Variants in NEGR1 observed in about 807,000 individuals in gnomAD.
NEGR1 encodes IgLON family member 4.
NEGR1 carries 10 observed loss-of-function variants against 40.9 expected under a neutral mutation model. That is an observed-to-expected ratio of 0.24 (90% confidence interval 0.15 to 0.42). The LOEUF is 0.42. Ranked by LOEUF, NEGR1 falls within the 10% of genes least tolerant of loss-of-function variation. The probability of loss-of-function intolerance (pLI) is 1.00; values close to 1 mark genes in which losing one functional copy is unlikely to be tolerated. For missense variants in NEGR1, 352 were observed against 438.9 expected (o/e 0.80, Z 1.77); for synonymous variants, 185 against 166.8 (o/e 1.11, Z -0.84).
At chr1:72,061,591 C>A (rs1466845905) in intron 1 of NEGR1, among the ~76,000 whole-genome samples, 3 of 151,628 alleles carry the variant, frequency 2.0e-5, no homozygotes, top group Non-Finnish European at 4.4e-5. Flanking sequence ...TGAATGAAGA[C>A]CACGTAAATG....
rs148594664 is a variant in NEGR1, at chr1:71,962,796, C to A, written c.177-27485G>T. The stretch of plus-strand genomic sequence containing the variant: ...TTTTTTTTTTTTTCTGTAAGTATAT[C>A]TTTTGTTCTTCATCTCAACTGAAAA... On this transcript the variant is annotated intron_variant, in intron 1 of 6. Coordinates refer to ENST00000357731, the MANE Select transcript of NEGR1 (RefSeq NM_173808.3). Among the ~76,000 whole-genome samples, 297 of 147,710 alleles carry A rather than the reference C, an allele frequency of 2.0e-3. 2 individuals are homozygous for A. The highest frequency in any genetic ancestry group is 7.0e-3 in the African/African-American group (282 of 40,438).
intron 1 of NEGR1, among the ~76,000 whole-genome samples, chr1:71,963,269 C>A (rs1052736441): frequency 6.6e-6 from 1 of 151,918 alleles, no homozygotes; most frequent in African/African-American, 2.4e-5. Flanking sequence ...AAGAGAAGAC[C>A]TAGTTGATCC....
chr1:71,711,936 G>T (rs1007234270), intron 3 of NEGR1, among the ~76,000 whole-genome samples: 1 of 152,130 alleles, frequency 6.6e-6, no homozygotes, highest in Admixed American at 6.5e-5. Flanking sequence ...GCTATATATT[G>T]TATGATTTAA....
chr1:71,519,627 C>A, intron 6 of NEGR1, among the ~76,000 whole-genome samples: 1 of 121,680 alleles, frequency 8.2e-6, no homozygotes. Flanking sequence ...ATACCTAATG[C>A]TAGATGACAC....
At chr1:71,839,856 T>C (rs534145521) in intron 2 of NEGR1, among the ~76,000 whole-genome samples, 4 of 152,264 alleles carry the variant, frequency 2.6e-5, no homozygotes, top group Non-Finnish European at 4.4e-5. Context: ...AGCTTTCACA[T>C]TGTCATTCTT....
intron 1 of NEGR1, among the ~76,000 whole-genome samples, chr1:71,965,178 A>G (rs1040625453): frequency 1.3e-5 from 2 of 152,148 alleles, no homozygotes; most frequent in Non-Finnish European, 2.9e-5. Flanking sequence ...ACAATTTCTC[A>G]TATGAAGACT....
intron 2 of NEGR1, among the ~76,000 whole-genome samples, chr1:71,869,929 G>C (rs1223318020): frequency 1.3e-5 from 2 of 150,418 alleles, no homozygotes; most frequent in Non-Finnish European, 3.0e-5. Flanking sequence ...ACCCAGGCTG[G>C]AGTGCAGTGG....
At chr1:71,544,072 T>C (rs1168810006) in intron 6 of NEGR1, among the ~76,000 whole-genome samples, 1 of 151,730 alleles carries the variant, frequency 6.6e-6, no homozygotes, top group Non-Finnish European at 1.5e-5. Flanking sequence ...AGATACTGCC[T>C]TGTGAAATGC....
intron 1 of NEGR1, among the ~76,000 whole-genome samples, chr1:71,935,856 T>C (rs1645900561): frequency 6.6e-6 from 1 of 152,068 alleles, no homozygotes; most frequent in East Asian, 1.9e-4. Flanking sequence ...TGGAATGCGG[T>C]GGAAAAATCT....
chr1:72,069,262 C>A (rs1033352703), intron 1 of NEGR1, among the ~76,000 whole-genome samples: 4 of 151,548 alleles, frequency 2.6e-5, no homozygotes, highest in South Asian at 2.1e-4. Flanking sequence ...ATACAAAAAA[C>A]AAAAACAAAC....
chr1:72,137,446 G>T (rs1650510799), intron 1 of NEGR1, among the ~76,000 whole-genome samples: 1 of 152,038 alleles, frequency 6.6e-6, no homozygotes, highest in Non-Finnish European at 1.5e-5. Flanking sequence ...TCCTCTGCAG[G>T]GACATGAATG....
At chr1:71,930,522 T>G (rs1645845481) in intron 2 of NEGR1, among the ~76,000 whole-genome samples, 1 of 152,180 alleles carries the variant, frequency 6.6e-6, no homozygotes. Flanking sequence ...TTGTTCTTCC[T>G]ATCTATCTTG....
intron 1 of NEGR1, among the ~76,000 whole-genome samples, chr1:72,236,079 T>C (rs1275405443): frequency 1.3e-4 from 20 of 152,030 alleles, no homozygotes; most frequent in Admixed American, 1.3e-3. Flanking sequence ...GTGGCACATA[T>C]ACACCATGGA....
chr1:71,698,683 T>C (rs2101629514), intron 3 of NEGR1, among the ~76,000 whole-genome samples: 1 of 152,074 alleles, frequency 6.6e-6, no homozygotes, highest in African/African-American at 2.4e-5. Context: ...AGGTACAGTG[T>C]ACATGCTATA....
chr1:71,666,223 A>G (rs913395505), intron 4 of NEGR1, among the ~76,000 whole-genome samples: 2 of 152,138 alleles, frequency 1.3e-5, no homozygotes, highest in Admixed American at 1.3e-4. Context: ...TATTTTTTTT[A>G]CAATTTTTCT....
chr1:72,009,194 T>C (rs777399010), intron 1 of NEGR1, among the ~76,000 whole-genome samples: 2 of 152,062 alleles, frequency 1.3e-5, no homozygotes, highest in African/African-American at 2.4e-5. Context: ...TGAACAAATT[T>C]AATATTTTGT....
intron 1 of NEGR1, among the ~76,000 whole-genome samples, chr1:72,257,130 G>T (rs111367900): frequency 6.6e-6 from 1 of 151,848 alleles, no homozygotes; most frequent in Non-Finnish European, 1.5e-5. Flanking sequence ...AGACCATCCC[G>T]GCTAAAACGG....
At chr1:71,773,962 T>A (rs1245403970) in intron 3 of NEGR1, among the ~76,000 whole-genome samples, 2 of 152,202 alleles carry the variant, frequency 1.3e-5, no homozygotes, top group African/African-American at 4.8e-5. Flanking sequence ...ATTCATAATA[T>A]TAATCTTAAA....
chr1:72,073,859 T>C (rs1410155641), intron 1 of NEGR1, among the ~76,000 whole-genome samples: 2 of 151,496 alleles, frequency 1.3e-5, no homozygotes, highest in Non-Finnish European at 1.5e-5. Context: ...AATAATGACA[T>C]AGCTGTAGGA....
Sources: gnomAD v4.1 joint callset for allele counts (sites outside exome capture counted in the v4.1 genomes callset) on GRCh38, gnomAD v4.1.1 for gene constraint, MANE v1.5 for transcripts, NCBI Gene and HGNC (gene_info 2026-07-23, HGNC 2026-07-21) for gene names.